Variants in KLRG2 observed in about 807,000 individuals in gnomAD.
The protein encoded by KLRG2 is killer cell lectin like receptor G2.
In KLRG2, 39 loss-of-function variants were observed where a neutral mutation model predicts 35.4. The observed-to-expected ratio is 1.10, with a 90% confidence interval of 0.85 to 1.44. The LOEUF is 1.44. KLRG2 is among the 40% of genes most tolerant of loss of function. The pLI is 0.00. For missense variants in KLRG2, 632 were observed against 570.9 expected (o/e 1.11, Z -1.09); for synonymous variants, 283 against 265.8 (o/e 1.06, Z -0.63).
At chr7:139,474,015 T>C (rs111908147) in intron 3 of KLRG2, among the ~76,000 whole-genome samples, 2 of 125,942 alleles carry the variant, frequency 1.6e-5, no homozygotes. Context: ...TGGCTCAGAC[T>C]TTTTTTTTTT....
chr7:139,473,278 CTAAAA>C (rs1032659477), intron 3 of KLRG2, among the ~76,000 whole-genome samples: 1 of 151,714 alleles, frequency 6.6e-6, no homozygotes, highest in Non-Finnish European at 1.5e-5. Context: ...AAGACTCTGT[CTAAAA>C]TAAAATAAAA....
At chr7:139,462,716 A>C (rs1371632222) in intron 3 of KLRG2, among the ~76,000 whole-genome samples, 1 of 152,186 alleles carries the variant, frequency 6.6e-6, no homozygotes, top group Non-Finnish European at 1.5e-5. Context: ...AATTCTTGTC[A>C]TGAAATGGGC....
chr7:139,444,106 T>TC, the KLRG2 span, among the ~76,000 whole-genome samples: 1 of 152,292 alleles, frequency 6.6e-6, no homozygotes, highest in African/African-American at 2.4e-5. Flanking sequence ...CCTCAGCAAG[T>TC]CTGCTCTTTC....
intron 3 of KLRG2, among the ~76,000 whole-genome samples, chr7:139,466,253 A>G (rs112882163): frequency 0.12 from 18,410 of 152,138 alleles, 1,219 homozygotes; most frequent in African/African-American, 0.17. Context: ...GGTCTGGGTA[A>G]ACACTTTCAC....
downstream of KLRG2, among the ~76,000 whole-genome samples, chr7:139,451,857 G>A (rs183836398): frequency 6.6e-6 from 1 of 152,084 alleles, no homozygotes; most frequent in Non-Finnish European, 1.5e-5. Context: ...CATGGCAGGG[G>A]ATGGGGGCGG....
At chr7:139,456,434 C>T (rs781087487) in intron 3 of KLRG2, among the ~76,000 whole-genome samples, 7 of 152,108 alleles carry the variant, frequency 4.6e-5, no homozygotes, top group African/African-American at 7.2e-5. Context: ...GGCACAATCT[C>T]GGCTTACTGC....
At chr7:139,482,785 T>C (rs948925777) in intron 1 of KLRG2, 101 bp downstream of exon 1, 12 of 1,130,360 alleles carry the variant, frequency 1.1e-5, no homozygotes, top group Non-Finnish European at 1.4e-5. Context: ...GGTCCCTTAG[T>C]CGGTCAGCTG....
Position 139,453,123 on chromosome 7 carries a change from C to A in KLRG2, c.*464G>T. 1 of 201,892 alleles carries A rather than the reference C, an allele frequency of 5.0e-6. No individual in the cohort carries two copies. The highest frequency in any genetic ancestry group is 1.5e-4 in the South Asian group (1 of 6,704). 12.5% of individuals were successfully genotyped at this position (201,892 alleles called of 1,614,324 possible). A position where few individuals can be genotyped will look rare whatever the true frequency, so the allele number is the denominator to read the frequency against. ...CCGGTAGGCTGTGTCCGATGTACAC[C>A]CAGCTGCCTGAAGTAGAATTCACAG... On this transcript the variant is annotated 3_prime_UTR_variant, in exon 5 of 5. Transcript: ENST00000340940.
the KLRG2 span, among the ~76,000 whole-genome samples, chr7:139,446,509 C>T: frequency 6.6e-6 from 1 of 151,758 alleles, no homozygotes; most frequent in Non-Finnish European, 1.5e-5. Context: ...GCCACCATCC[C>T]CAGCTAATTT....
At chr7:139,442,461 C>T in the KLRG2 span, among the ~76,000 whole-genome samples, 1 of 152,156 alleles carries the variant, frequency 6.6e-6, no homozygotes, top group South Asian at 2.1e-4. Context: ...CCTGTAATCC[C>T]AGCACTTTGG....
chr7:139,448,064 G>T (rs1796329984), downstream of KLRG2, among the ~76,000 whole-genome samples: 3 of 151,930 alleles, frequency 2.0e-5, no homozygotes, highest in South Asian at 6.2e-4. Flanking sequence ...GTACAATCAT[G>T]GCTCACTGCA....
In KLRG2 at chr7:139,480,317, GAC is replaced by G. The variant is rs1204478722; in HGVS notation, c.758-72_758-71del. On this transcript the variant is annotated intron_variant, in intron 1 of 4. Coordinates refer to ENST00000340940, the MANE Select transcript of KLRG2 (RefSeq NM_198508.4). The stretch of plus-strand genomic sequence containing the variant: ...CCAACCAACCCAACTCAGAACCACA[GAC>G]ACAGCACACCAGCATCTCACCCACC... The G allele has an allele frequency of 8.2e-5, 68 of 824,882 alleles. No homozygotes were observed. In the Middle Eastern group the frequency reaches 1.4e-3, roughly 17 times the overall value. The allele number at this position is 824,882 out of a possible 1,614,324, so 51.1% of individuals were successfully genotyped here.
intron 3 of KLRG2, among the ~76,000 whole-genome samples, chr7:139,477,949 G>A (rs1234809223): frequency 3.3e-5 from 5 of 151,776 alleles, no homozygotes; most frequent in Non-Finnish European, 5.9e-5. Context: ...TAGTAGAGAC[G>A]GGGTTTCACC....
chr7:139,456,945 G>A (rs905458976), intron 3 of KLRG2, among the ~76,000 whole-genome samples: 10 of 123,108 alleles, frequency 8.1e-5, no homozygotes, highest in African/African-American at 4.8e-4. Flanking sequence ...CCAAAAATCA[G>A]CAGAGCCACA....
At chr7:139,480,524 C>T (rs1214926463) in intron 1 of KLRG2, among the ~76,000 whole-genome samples, 1 of 142,682 alleles carries the variant, frequency 7.0e-6, no homozygotes, top group Non-Finnish European at 1.5e-5. Flanking sequence ...CGGCTCACTG[C>T]AACCTCTGCC....
At chr7:139,481,554 C>T (rs1335824332) in intron 1 of KLRG2, among the ~76,000 whole-genome samples, 3 of 152,296 alleles carry the variant, frequency 2.0e-5, no homozygotes, top group Middle Eastern at 3.4e-3. Context: ...GCTCTGACCC[C>T]TCCTGGCCGT....
chr7:139,450,862 A>G (rs1433818783), downstream of KLRG2, among the ~76,000 whole-genome samples: 2 of 152,140 alleles, frequency 1.3e-5, no homozygotes, highest in Non-Finnish European at 2.9e-5. Context: ...TGTAACCAAT[A>G]AAATGTGGCC....
At chr7:139,460,139 G>A (rs1477018967) in intron 3 of KLRG2, among the ~76,000 whole-genome samples, 2 of 152,124 alleles carry the variant, frequency 1.3e-5, no homozygotes, top group African/African-American at 4.8e-5. Context: ...GCCCGCCTTG[G>A]CCCCCCAAAG....
intron 3 of KLRG2, among the ~76,000 whole-genome samples, chr7:139,466,825 G>A (rs1408645156): frequency 1.0e-4 from 15 of 150,168 alleles, no homozygotes; most frequent in Admixed American, 8.6e-4. Flanking sequence ...AATCTGGCCT[G>A]GTATATGACA....
Sources: allele counts gnomAD v4.1 joint callset (sites outside exome capture counted in the v4.1 genomes callset), GRCh38; gene constraint gnomAD v4.1.1; transcripts MANE v1.5; gene names NCBI Gene and HGNC (gene_info 2026-07-23, HGNC 2026-07-21).